REC8: variants seen among roughly 807,000 people sequenced by gnomAD.
The protein encoded by REC8 is meiotic recombination protein REC8 homolog.
In REC8, 42 loss-of-function variants were observed where a neutral mutation model predicts 78.3. The ratio of observed to expected loss-of-function variants is 0.54; its 90% CI spans 0.42 to 0.69. The LOEUF (loss-of-function observed/expected upper bound fraction) is 0.69, where lower values mean the gene tolerates loss of function less well. Among genes scored for constraint, REC8 ranks in the 30% least tolerant of loss-of-function variants. The pLI is 0.00. For missense variants in REC8, 581 were observed against 715.8 expected (o/e 0.81, Z 2.15); for synonymous variants, 268 against 274.1 (o/e 0.98, Z 0.22).
Position 24,172,572 on chromosome 14 carries a change from T to G in REC8, c.20T>G (p.Val7Gly). MFYYPN[V>G]LQRHTGCFAT... ...GGGACAATGTTCTACTATCCCAACGTGCTTCAGCGCCACACCGGCTGCTTT... is the reference window on the plus strand; with the variant it reads ...GGGACAATGTTCTACTATCCCAACGGGCTTCAGCGCCACACCGGCTGCTTT... Residue 7 changes from valine to glycine, a missense_variant, in exon 1 of 19, where the codon GTG becomes GGG. By Grantham distance (109) the Val-to-Gly change is moderately radical. Transcript: ENST00000611366. The G allele has an allele frequency of 6.2e-7, 1 of 1,613,246 alleles. No individual in the cohort carries two copies. The highest frequency in any genetic ancestry group is 1.1e-5 in the South Asian group (1 of 90,956).
downstream of REC8, chr14:24,180,812 G>C: frequency 6.4e-7 from 1 of 1,559,740 alleles, no homozygotes; most frequent in Non-Finnish European, 8.8e-7. Flanking sequence ...CCAGGTCTAG[G>C]AGGGTGGTCA....
chr14:24,173,567 G>A (rs530029812), intron 5 of REC8, among the ~76,000 whole-genome samples, 156 bp downstream of exon 5: 127 of 152,278 alleles, frequency 8.3e-4, no homozygotes, highest in African/African-American at 2.8e-3. Context: ...CCATCCAGGC[G>A]AAGCCCCCTG....
Position 24,180,005 on chromosome 14 carries a change from AC to A in REC8, c.1559-3del. On this transcript the variant is annotated splice_region_variant and splice_polypyrimidine_tract_variant and intron_variant, in intron 18 of 18. Coordinates refer to ENST00000611366, the MANE Select transcript of REC8 (RefSeq NM_001048205.2). Reference sequence around the variant, plus strand: ...CGACCTGCCCTCTCCTCGCCTCTTGACCAGTGCTCTCAGCGCAACAGATTCT... The same window carrying A: ...CGACCTGCCCTCTCCTCGCCTCTTGACAGTGCTCTCAGCGCAACAGATTCT... 1 of 1,614,078 alleles carries A rather than the reference AC, an allele frequency of 6.2e-7. No homozygotes were observed.
chr14:24,177,075 TG>T, intron 7 of REC8, 65 bp from the exon 8 acceptor site: 1 of 1,522,154 alleles, frequency 6.6e-7, no homozygotes, highest in Non-Finnish European at 9.1e-7. Flanking sequence ...TCCACTCTCC[TG>T]GATCCACTTG....
rs1304088460 is a variant in REC8, at chr14:24,178,767, T to C, written c.1064-10T>C. On this transcript the variant is annotated splice_polypyrimidine_tract_variant and intron_variant, in intron 13 of 18. Transcript: ENST00000611366. The stretch of plus-strand genomic sequence containing the variant: ...CTCAAACCCCGTGCCTACTACCCTC[T>C]TGTCCACAGCTGGCTGGCTACCCCC... The C allele has an allele frequency of 6.2e-7, 1 of 1,607,930 alleles. No individual in the cohort carries two copies. Among genetic ancestry groups the C allele is most frequent in the Non-Finnish European group, 8.5e-7 (1 of 1,175,498 alleles).
In REC8 at chr14:24,179,580, C is replaced by G. The variant is rs749563511; in HGVS notation, c.1320-15C>G. 1 of 1,614,132 alleles carries G rather than the reference C, an allele frequency of 6.2e-7. No individual in the cohort carries two copies. Among genetic ancestry groups the G allele is most frequent in the Non-Finnish European group, 8.5e-7 (1 of 1,180,002 alleles). On this transcript the variant is annotated splice_polypyrimidine_tract_variant and intron_variant, in intron 16 of 18. Transcript: ENST00000611366. ...TCACAGCTGCCACCTTCCCTACTCT[C>G]TCATGTCCTCCTAGGGCCTGGCCTG...
chr14:24,174,816 G>A (rs1214731048), intron 5 of REC8, among the ~76,000 whole-genome samples: 1 of 151,966 alleles, frequency 6.6e-6, no homozygotes, highest in Admixed American at 6.6e-5. Flanking sequence ...CCCAGTCTTA[G>A]CCGGAACCAA....
At chr14:24,180,288 G>T (rs1318315735), downstream of REC8, 1 of 1,523,420 alleles carries the variant, frequency 6.6e-7, no homozygotes, top group African/African-American at 1.4e-5. Context: ...AACAGATCCA[G>T]CCTCAGGGAC....
intron 5 of REC8, among the ~76,000 whole-genome samples, chr14:24,174,340 T>C (rs183843146): frequency 2.8e-4 from 42 of 151,804 alleles, no homozygotes; most frequent in African/African-American, 9.9e-4. Flanking sequence ...TGCAGTGGCA[T>C]GATCTTGGCT....
chr14:24,179,567 C>T (rs775499657), intron 16 of REC8, 28 bp from the exon 17 acceptor site: 2 of 1,614,094 alleles, frequency 1.2e-6, no homozygotes, highest in Non-Finnish European at 1.7e-6. Flanking sequence ...ACAGCTGCCA[C>T]CTTCCCTACT....
At chr14:24,172,832 G>T (rs1339877529) in intron 2 of REC8, 51 bp downstream of exon 2, 2 of 1,613,792 alleles carry the variant, frequency 1.2e-6, no homozygotes, top group African/African-American at 1.3e-5. Context: ...TGAGTTAGGG[G>T]ATGGGGTGGC....
At chr14:24,175,295 C>T (rs369052850) in intron 5 of REC8, 18 of 364,026 alleles carry the variant, frequency 4.9e-5, no homozygotes, top group South Asian at 4.0e-4. Context: ...CATGAGCCAC[C>T]GAGCCCGGCC....
intron 5 of REC8, 57 bp from the exon 6 acceptor site, chr14:24,175,486 G>A (rs2038849790): frequency 7.4e-7 from 1 of 1,349,508 alleles, no homozygotes; most frequent in African/African-American, 1.4e-5. Flanking sequence ...TGTGAAAAGT[G>A]GGAAAGCAGG....
intron 10 of REC8, 27 bp from the exon 11 acceptor site, chr14:24,177,682 G>A (rs761882286): frequency 6.2e-7 from 1 of 1,604,288 alleles, no homozygotes; most frequent in South Asian, 1.1e-5. Flanking sequence ...GGGCTTATGG[G>A]ACAGAGCCCC....
In REC8 at chr14:24,179,674, C is replaced by T; in HGVS notation, c.1399C>T (p.Pro467Ser). 6.2e-7 allele frequency: 1 copy of T among 1,614,212 alleles called. No individual in the cohort carries two copies. The highest frequency in any genetic ancestry group is 8.5e-7 in the Non-Finnish European group (1 of 1,180,036). The change falls in exon 17 of 19, where the codon CCT becomes TCT. Residue 467 changes from proline (P) to serine (S), a missense_variant. Pro to Ser is a moderately conservative substitution (Grantham distance 74). Transcript: ENST00000611366. Reference protein sequence around the residue: ...PELPEVPMEMPLVLPPELELL... With the variant: ...PELPEVPMEMSLVLPPELELL... ...ACTCCCTGAGGTGCCCATGGAGATG[C>T]CTTTGGTGCTGCCCCCAGAGCTCGA...
At chr14:24,178,316 G>C (rs3736840) in intron 12 of REC8, 94 bp downstream of exon 12, 14 of 1,152,366 alleles carry the variant, frequency 1.2e-5, no homozygotes, top group Non-Finnish European at 1.6e-5. Flanking sequence ...TCAGGTGGGT[G>C]GGGGGAGGAT....
chr14:24,179,296 C>T (rs935284251), intron 15 of REC8, 101 bp from the exon 16 acceptor site: 6 of 1,355,580 alleles, frequency 4.4e-6, no homozygotes, highest in African/African-American at 1.4e-5. Flanking sequence ...GTGCTTTTAA[C>T]AAGTCACCGC....
rs763553330 is a variant in REC8 at position 24,178,841 on chromosome 14, C to T, written c.1128C>T (p.Ala376=). Residue 376 remains alanine, a synonymous_variant, in exon 14 of 19, where the codon GCC becomes GCT. Coordinates refer to ENST00000611366, the MANE Select transcript of REC8 (RefSeq NM_001048205.2). ...ATTGTGCCCAGCCACCCCCAAAAGCCCTCAGGCGAGAGCTGCCTGAGGAGG... is the reference window on the plus strand; with the variant it reads ...ATTGTGCCCAGCCACCCCCAAAAGCTCTCAGGCGAGAGCTGCCTGAGGAGG... ...WTHCAQPPPK[A]LRRELPEEAA... is the part of the protein sequence containing the mutation. 27 of 1,613,828 alleles carry T rather than the reference C, an allele frequency of 1.7e-5. No homozygotes were observed. The highest frequency in any genetic ancestry group is 2.1e-5 in the Non-Finnish European group (25 of 1,180,014).
Position 24,180,089 on chromosome 14 carries a change from C to A in REC8, c.1638C>A (p.Phe546Leu), listed in dbSNP as rs766464041. 1 of 1,614,146 alleles carries A rather than the reference C, an allele frequency of 6.2e-7. No individual in the cohort carries two copies. Among genetic ancestry groups the A allele is most frequent in the African/African-American group, 1.3e-5 (1 of 75,032 alleles). Residue 546 changes from phenylalanine to leucine, a missense_variant, in exon 19 of 19, where the codon TTC (phenylalanine) becomes TTA (leucine). Transcript: ENST00000611366. ...GRLLIQPGPR[F>L]H ...TCCTGATCCAGCCGGGGCCCAGATT[C>A]CACTGAGGTTAGAGTCCATTTACAA...
Sources: allele counts gnomAD v4.1 joint callset (sites outside exome capture counted in the v4.1 genomes callset), GRCh38; gene constraint gnomAD v4.1.1; transcripts MANE v1.5; gene names NCBI Gene and HGNC (gene_info 2026-07-23, HGNC 2026-07-21).